The following GSDME variants were observed in gnomAD, a reference collection of about 807,000 sequenced individuals.
The protein encoded by GSDME is gasdermin-E.
A neutral mutation model predicts 47.5 loss-of-function variants in GSDME; 44 were observed. The observed-to-expected ratio is 0.93, with a 90% confidence interval of 0.73 to 1.19. The LOEUF is 1.19. Among genes scored for constraint, GSDME ranks in the 50% most tolerant of loss-of-function variants. The pLI, the probability that GSDME is intolerant of heterozygous loss-of-function variation, is 0.00. For synonymous variants in GSDME, 258 were observed against 252.8 expected (o/e 1.02, Z -0.20); for missense variants, 663 against 604.2 (o/e 1.10, Z -1.02).
At chr7:24,719,261 G>T in intron 3 of GSDME, 43 bp from the exon 4 acceptor site, 2 of 1,589,704 alleles carry the variant, frequency 1.3e-6, no homozygotes, top group Non-Finnish European at 8.6e-7. Flanking sequence ...TGCCTCAGGG[G>T]ACATTGGTGT....
chr7:24,699,301 TA>T (rs764101291), intron 9 of GSDME, 42 bp from the exon 10 acceptor site: 5 of 1,461,390 alleles, frequency 3.4e-6, no homozygotes, highest in Non-Finnish European at 4.8e-6. Context: ...TAAAATGTCC[TA>T]AAAAATCCAC....
At chr7:24,699,467 C>G (rs961127044) in intron 9 of GSDME, among the ~76,000 whole-genome samples, 2 of 152,014 alleles carry the variant, frequency 1.3e-5, no homozygotes, top group Non-Finnish European at 2.9e-5. Flanking sequence ...CTCAGCCTCC[C>G]GAGTAGCTGG....
At chr7:24,789,626 C>T in the GSDME span, among the ~76,000 whole-genome samples, 1 of 152,192 alleles carries the variant, frequency 6.6e-6, no homozygotes, top group Non-Finnish European at 1.5e-5. Flanking sequence ...ACTACCAGGC[C>T]CAGGGCGCAA....
intron 5 of GSDME, among the ~76,000 whole-genome samples, chr7:24,713,386 G>T (rs1219273616): frequency 6.6e-6 from 1 of 152,174 alleles, no homozygotes; most frequent in East Asian, 1.9e-4. Flanking sequence ...GTGAGGGGAA[G>T]GTCACAGTGA....
chr7:24,747,208 G>A (rs755452457), intron 2 of GSDME, among the ~76,000 whole-genome samples: 14 of 152,082 alleles, frequency 9.2e-5, no homozygotes, highest in Non-Finnish European at 1.8e-4. Flanking sequence ...TTATTTCACC[G>A]TTCGATAGAA....
At chr7:24,758,290 T>C (rs114485002), upstream of GSDME, among the ~76,000 whole-genome samples, 2,119 of 152,376 alleles carry the variant, frequency 0.014, 56 homozygotes, top group African/African-American at 0.048. This position sits in a 1 kb window ranked among gnomAD's most constrained non-coding sequence, Gnocchi z 4.6. Context: ...TGGCATCACC[T>C]GGGACTGGTT....
chr7:24,715,278 G>A (rs566707314), intron 5 of GSDME, among the ~76,000 whole-genome samples: 1 of 152,314 alleles, frequency 6.6e-6, no homozygotes, highest in South Asian at 2.1e-4. Flanking sequence ...GATCTAGCAT[G>A]GTGATTATAG....
rs1343665456 is a variant in GSDME at position 24,749,703 on chromosome 7, A to T, written c.72T>A (p.Asn24Lys). 1.2e-6 allele frequency: 2 copies of T among 1,614,154 alleles called. No homozygotes were observed. The highest frequency in any genetic ancestry group is 1.7e-6 in the Non-Finnish European group (2 of 1,179,994). Reference sequence around the variant, plus strand: ...GCTGTAACTTATCAGAGTCATTCAGATTTGATACTGCAATCAGGTCACCAT... The same window carrying T: ...GCTGTAACTTATCAGAGTCATTCAGTTTTGATACTGCAATCAGGTCACCAT... ...DADGDLIAVS[N>K]LNDSDKLQLL... is the part of the protein sequence containing the mutation. The change falls in exon 2 of 10, where the codon AAT becomes AAA. Residue 24 changes from asparagine to lysine, a missense_variant. By Grantham distance (94) the Asn-to-Lys change is moderately conservative. Coordinates refer to ENST00000645220, the MANE Select transcript of GSDME (RefSeq NM_001127453.2).
chr7:24,744,984 CGTGTGTGTGTGTGTGTGTGTGTGT>C lies in GSDME; in HGVS notation c.212-254_212-231del, dbSNP rs3038357. 0.011 allele frequency among the ~76,000 whole-genome samples: 1,287 copies of C among 119,054 alleles called. 15 individuals are homozygous for C. Among genetic ancestry groups the C allele is most frequent in the African/African-American group, 0.037 (1,182 of 32,238 alleles). The allele number at this position is 119,054 out of a possible 152,430, so 78.1% of individuals were successfully genotyped here. On this transcript the variant is annotated intron_variant, in intron 2 of 9. Transcript: ENST00000645220. The surrounding 1 kb of genome is among the most constrained non-coding windows in gnomAD (Gnocchi z 4.5). ...GGGCACACAGTGGACCAGTGCAGCA[CGTGTGTGTGTGTGTGTGTGTGTGT>C]GTGTGTGTGTGTGTGTGTGTGTGTG...
rs144353859 is a variant in GSDME, at chr7:24,732,971, C to G, written c.404+11591G>C. ...CTAAGGGAGTACTGGATCTAACCCT[C>G]CCCCAACTCCAAGCAGCACAACATG... On this transcript the variant is annotated intron_variant, in intron 3 of 9. Transcript: ENST00000645220. The surrounding 1 kb of genome is among the most constrained non-coding windows in gnomAD (Gnocchi z 4.8). 8.3e-4 allele frequency among the ~76,000 whole-genome samples: 127 copies of G among 152,116 alleles called. 1 individual carries two copies. The East Asian group carries it at 0.023, about 27-fold the overall frequency.
upstream of GSDME, chr7:24,757,959 G>A (rs1333781391): frequency 6.6e-6 from 1 of 152,314 alleles, no homozygotes; most frequent in Non-Finnish European, 1.5e-5. The surrounding 1 kb of genome is among the most constrained non-coding windows in gnomAD (Gnocchi z 5.9). Context: ...GTGCGACAGT[G>A]CCCACACTTA....
At position 24,725,733 on chromosome 7, in the gene GSDME, C is replaced by T. The variant is rs901106426; in HGVS notation, c.405-6515G>A. The stretch of plus-strand genomic sequence containing the variant: ...GTATAGATAACATAACTGATTAGGT[C>T]AGGGGTCAATCTTTAACGACCAGGC... On this transcript the variant is annotated intron_variant, in intron 3 of 9. Coordinates refer to ENST00000645220, the MANE Select transcript of GSDME (RefSeq NM_001127453.2). The surrounding 1 kb of genome is among the most constrained non-coding windows in gnomAD (Gnocchi z 5.1). Among the ~76,000 whole-genome samples the T allele has an allele frequency of 6.6e-6, 1 of 152,108 alleles. No homozygotes were observed. Among genetic ancestry groups the T allele is most frequent in the Non-Finnish European group, 1.5e-5 (1 of 68,026 alleles).
At chr7:24,717,494 G>A (rs887408129) in intron 4 of GSDME, 120 bp from the exon 5 acceptor site, 21 of 1,463,050 alleles carry the variant, frequency 1.4e-5, no homozygotes, top group South Asian at 7.2e-5. Flanking sequence ...CCACAGAACC[G>A]AGTGGAACAG....
the GSDME span, among the ~76,000 whole-genome samples, chr7:24,767,367 G>T: frequency 6.6e-6 from 1 of 152,008 alleles, no homozygotes; most frequent in African/African-American, 2.4e-5. This position sits in a 1 kb window ranked among gnomAD's most constrained non-coding sequence, Gnocchi z 5.3. Context: ...TCATATAAGG[G>T]TATATAAGAA....
At chr7:24,761,744 A>G (rs1165528921), upstream of GSDME, among the ~76,000 whole-genome samples, 3 of 152,236 alleles carry the variant, frequency 2.0e-5, no homozygotes, top group Non-Finnish European at 4.4e-5. The surrounding 1 kb of genome is among the most constrained non-coding windows in gnomAD (Gnocchi z 4.4). Context: ...CAGACTTCTT[A>G]TAGTGGAGGC....
At chr7:24,794,265 T>C in the GSDME span, among the ~76,000 whole-genome samples, 1 of 146,500 alleles carries the variant, frequency 6.8e-6, no homozygotes, top group African/African-American at 2.5e-5. Flanking sequence ...CCTCTTTTCT[T>C]CTCTCTCTCT....
chr7:24,771,039 C>T, the GSDME span, among the ~76,000 whole-genome samples: 4 of 151,330 alleles, frequency 2.6e-5, no homozygotes, highest in Non-Finnish European at 5.9e-5. The surrounding 1 kb of genome is among the most constrained non-coding windows in gnomAD (Gnocchi z 4.1). Context: ...AACCACAGAC[C>T]CAGGAATATC....
At chr7:24,718,683 C>A (rs1420661277) in intron 4 of GSDME, among the ~76,000 whole-genome samples, 1 of 152,192 alleles carries the variant, frequency 6.6e-6, no homozygotes, top group South Asian at 2.1e-4. Flanking sequence ...TGAACATATC[C>A]CGGGACGGTC....
chr7:24,738,628 C>T (rs568085789), intron 3 of GSDME, among the ~76,000 whole-genome samples: 1 of 151,438 alleles, frequency 6.6e-6, no homozygotes, highest in African/African-American at 2.4e-5. Flanking sequence ...AGAAAAAAAA[C>T]TACCCTAAAA....
Sources: allele counts gnomAD v4.1 joint callset (sites outside exome capture counted in the v4.1 genomes callset), GRCh38; gene constraint gnomAD v4.1.1; non-coding constraint Gnocchi (gnomAD v3.1); transcripts MANE v1.5; gene names NCBI Gene and HGNC (gene_info 2026-07-23, HGNC 2026-07-21).